Variants in ARHGAP19 observed in about 807,000 individuals in gnomAD.
The protein encoded by ARHGAP19 is rho GTPase-activating protein 19.
A neutral mutation model predicts 60.9 loss-of-function variants in ARHGAP19; 48 were observed. The observed-to-expected ratio is 0.79, with a 90% CI of 0.62 to 1.00. ARHGAP19 has a LOEUF of 1.00. Ranked by LOEUF, ARHGAP19 falls within the 50% of genes least tolerant of loss-of-function variation. The pLI, the probability that ARHGAP19 is intolerant of heterozygous loss-of-function variation, is 0.00. For synonymous variants in ARHGAP19, 209 were observed against 215.5 expected (o/e 0.97, Z 0.27); for missense variants, 562 against 597.2 (o/e 0.94, Z 0.61).
At chr10:97,256,449 A>G in intron 5 of ARHGAP19, 45 bp from the exon 6 acceptor site, 1 of 1,355,318 alleles carries the variant, frequency 7.4e-7, no homozygotes, top group Non-Finnish European at 1.1e-6. Context: ...TAAGAGCTAG[A>G]AAGTAGTACT....
chr10:97,248,996 T>C (rs1842603462), intron 6 of ARHGAP19, among the ~76,000 whole-genome samples: 1 of 152,078 alleles, frequency 6.6e-6, no homozygotes, highest in East Asian at 1.9e-4. Context: ...TTTTGTATTT[T>C]TCATAGAGAT....
chr10:97,250,036 A>G (rs1842620775), intron 6 of ARHGAP19, among the ~76,000 whole-genome samples: 1 of 152,056 alleles, frequency 6.6e-6, no homozygotes, highest in South Asian at 2.1e-4. Flanking sequence ...CGCCCGCCTC[A>G]GCCTCCCAAA....
chr10:97,224,862 CA>C lies in ARHGAP19; in HGVS notation c.*1259del. 1 of 152,566 alleles carries C rather than the reference CA, an allele frequency of 6.6e-6. No individual in the cohort carries two copies. Among genetic ancestry groups the C allele is most frequent in the Non-Finnish European group, 1.5e-5 (1 of 68,226 alleles). The allele number at this position is 152,566 out of a possible 1,614,324, so 9.5% of individuals were successfully genotyped here. A position where few individuals can be genotyped will look rare whatever the true frequency, so the allele number is the denominator to read the frequency against. The stretch of plus-strand genomic sequence containing the variant: ...CCAACACAAGTGAACACACCAAATC[CA>C]AAAGCCAGAAGCTCTGGCCCCATCT... On this transcript the variant is annotated 3_prime_UTR_variant, in exon 12 of 12. Coordinates refer to ENST00000358531, the MANE Select transcript of ARHGAP19 (RefSeq NM_032900.6).
intron 9 of ARHGAP19, among the ~76,000 whole-genome samples, chr10:97,231,122 T>C (rs572570767): frequency 1.4e-4 from 20 of 138,684 alleles, no homozygotes; most frequent in Non-Finnish European, 2.2e-4. Context: ...TATCTGACTA[T>C]AACTTTTCTG....
chr10:97,260,454 T>A (rs892308669), intron 4 of ARHGAP19, among the ~76,000 whole-genome samples: 4 of 151,392 alleles, frequency 2.6e-5, no homozygotes, highest in African/African-American at 9.7e-5. Context: ...GGCGTGAACC[T>A]GGGAGGCGGA....
chr10:97,292,541 T>C, intron 1 of ARHGAP19, 31 bp downstream of exon 1: 4 of 1,614,102 alleles, frequency 2.5e-6, no homozygotes, highest in Non-Finnish European at 2.5e-6. Flanking sequence ...AAGGCCGCGT[T>C]TCCCAGGAAA....
intron 1 of ARHGAP19, among the ~76,000 whole-genome samples, chr10:97,280,460 A>G (rs1843069370): frequency 6.6e-6 from 1 of 152,150 alleles, no homozygotes; most frequent in African/African-American, 2.4e-5. Context: ...AAAATTCCCT[A>G]TTAACTTGGA....
intron 1 of ARHGAP19, among the ~76,000 whole-genome samples, chr10:97,274,385 A>G (rs1240052332): frequency 2.0e-5 from 3 of 152,066 alleles, no homozygotes; most frequent in Non-Finnish European, 4.4e-5. Flanking sequence ...GAACTGCTTG[A>G]ACCCGGGAGG....
At chr10:97,239,499 CT>C (rs1189901310) in intron 8 of ARHGAP19, among the ~76,000 whole-genome samples, 1 of 33,354 alleles carries the variant, frequency 3.0e-5, no homozygotes, top group Non-Finnish European at 1.6e-4. Flanking sequence ...GAGACTCCGT[CT>C]CAAAAAAAAA....
At chr10:97,251,346 G>A (rs1178311642) in intron 6 of ARHGAP19, among the ~76,000 whole-genome samples, 1 of 18,150 alleles carries the variant, frequency 5.5e-5, no homozygotes, top group Non-Finnish European at 1.0e-4. Context: ...AAGGAAGGGG[G>A]AGGGAAAGGA....
chr10:97,267,995 G>A (rs1244973401), intron 1 of ARHGAP19, among the ~76,000 whole-genome samples: 3 of 152,224 alleles, frequency 2.0e-5, no homozygotes, highest in African/African-American at 7.2e-5. Context: ...AATTTCTGCT[G>A]TCAGCTTGAA....
rs144637699 is a variant in ARHGAP19, at chr10:97,281,102, G to A, written c.56+11470C>T. On this transcript the variant is annotated intron_variant, in intron 1 of 11. Coordinates refer to ENST00000358531, the MANE Select transcript of ARHGAP19 (RefSeq NM_032900.6). The stretch of plus-strand genomic sequence containing the variant: ...AATTGAAAATTCTTAAGAGTTTCTG[G>A]CCAGGCACAGCGGCTCATGTCTATA... 3.3e-5 allele frequency among the ~76,000 whole-genome samples: 5 copies of A among 151,836 alleles called. No individual in the cohort carries two copies. The East Asian group carries it at 7.7e-4, about 23-fold the overall frequency.
At chr10:97,265,330 C>G (rs1478438568) in intron 2 of ARHGAP19, 1 of 174,948 alleles carries the variant, frequency 5.7e-6, no homozygotes, top group Admixed American at 5.8e-5. Flanking sequence ...AGTGAGACCC[C>G]ATCTCTACAA....
At chr10:97,257,704 G>T (rs546400813) in intron 5 of ARHGAP19, among the ~76,000 whole-genome samples, 3 of 152,198 alleles carry the variant, frequency 2.0e-5, no homozygotes, top group African/African-American at 7.2e-5. Context: ...GACAAATGTT[G>T]ATGTGTCTTC....
At chr10:97,267,566 T>A (rs1842914004) in intron 1 of ARHGAP19, among the ~76,000 whole-genome samples, 1 of 152,180 alleles carries the variant, frequency 6.6e-6, no homozygotes, top group African/African-American at 2.4e-5. Context: ...CTAGCAGAGG[T>A]TCTCCATGAG....
chr10:97,275,022 C>T (rs1217819815), intron 1 of ARHGAP19: 1 of 152,462 alleles, frequency 6.6e-6, no homozygotes, highest in African/African-American at 2.4e-5. Context: ...TCCAAGATAA[C>T]CCCAATGCCA....
intron 6 of ARHGAP19, among the ~76,000 whole-genome samples, chr10:97,252,789 A>G (rs1440479324): frequency 1.3e-5 from 2 of 152,162 alleles, no homozygotes; most frequent in Non-Finnish European, 2.9e-5. Flanking sequence ...ATAATACATC[A>G]ATCCCACTAC....
chr10:97,248,903 C>T (rs1564716922), intron 6 of ARHGAP19, among the ~76,000 whole-genome samples: 1 of 152,116 alleles, frequency 6.6e-6, no homozygotes, highest in Non-Finnish European at 1.5e-5. Flanking sequence ...GTGCAACCTC[C>T]ACCTCCCGGG....
chr10:97,291,545 C>T (rs1843232799), intron 1 of ARHGAP19, among the ~76,000 whole-genome samples: 1 of 152,210 alleles, frequency 6.6e-6, no homozygotes, highest in Non-Finnish European at 1.5e-5. Flanking sequence ...CCGCTCCCCT[C>T]GGCTTCCCAA....
Sources: allele counts gnomAD v4.1 joint callset (sites outside exome capture counted in the v4.1 genomes callset), GRCh38; gene constraint gnomAD v4.1.1; transcripts MANE v1.5; gene names NCBI Gene and HGNC (gene_info 2026-07-23, HGNC 2026-07-21).